LRRTM4: variants seen among roughly 807,000 people sequenced by gnomAD.
LRRTM4 encodes leucine-rich repeat transmembrane neuronal protein 4.
In LRRTM4, 25 loss-of-function variants were observed where a neutral mutation model predicts 47.6. The ratio of observed to expected loss-of-function variants is 0.53; its 90% CI spans 0.38 to 0.73. The LOEUF is 0.73. LRRTM4 is among the 30% of genes least tolerant of loss of function. LRRTM4 has a pLI of 0.00. For synonymous variants in LRRTM4, 311 were observed against 269.5 expected (o/e 1.15, Z -1.51); for missense variants, 638 against 713.4 (o/e 0.89, Z 1.20).
intron 3 of LRRTM4, among the ~76,000 whole-genome samples, chr2:76,773,806 ATT>A (rs541171793): frequency 1.4e-5 from 2 of 147,450 alleles, no homozygotes; most frequent in Admixed American, 1.4e-4. Context: ...AGTTTTTGGC[ATT>A]TTTTTTTTTT....
At chr2:77,128,351 G>A (rs759849177) in intron 3 of LRRTM4, among the ~76,000 whole-genome samples, 38 of 152,072 alleles carry the variant, frequency 2.5e-4, no homozygotes, top group Middle Eastern at 3.4e-3. Flanking sequence ...GGATTTAGAA[G>A]CATAAGATAA....
At chr2:77,161,963 C>T (rs1672741721) in intron 3 of LRRTM4, among the ~76,000 whole-genome samples, 1 of 152,164 alleles carries the variant, frequency 6.6e-6, no homozygotes. Context: ...GCGTGAGCAA[C>T]ACAGAAGACG....
intron 3 of LRRTM4, among the ~76,000 whole-genome samples, chr2:76,823,642 G>C (rs915601364): frequency 1.3e-5 from 2 of 149,522 alleles, no homozygotes; most frequent in African/African-American, 5.0e-5. Context: ...ATAAATATTT[G>C]TAAGTGTTCT....
chr2:76,998,661 C>T (rs562891308), intron 3 of LRRTM4, among the ~76,000 whole-genome samples: 19 of 150,786 alleles, frequency 1.3e-4, no homozygotes, highest in Non-Finnish European at 2.2e-4. Flanking sequence ...TACGTGTATC[C>T]CGTTGGAGAG....
chr2:77,088,425 T>C (rs1680800002), intron 3 of LRRTM4, among the ~76,000 whole-genome samples: 1 of 152,160 alleles, frequency 6.6e-6, no homozygotes, highest in African/African-American at 2.4e-5. Context: ...AAAGTCCTTT[T>C]CCTGGCTCAT....
chr2:77,441,444 TAAG>T (rs1675838619), intron 3 of LRRTM4, among the ~76,000 whole-genome samples: 1 of 152,210 alleles, frequency 6.6e-6, no homozygotes, highest in Non-Finnish European at 1.5e-5. Flanking sequence ...AATCACCTAA[TAAG>T]TTTATACTTC....
intron 3 of LRRTM4, among the ~76,000 whole-genome samples, chr2:76,982,959 T>C (rs1422674934): frequency 2.0e-5 from 3 of 152,182 alleles, no homozygotes; most frequent in Admixed American, 6.6e-5. Context: ...TGTTTTAAGT[T>C]ACAGATAAGT....
intron 3 of LRRTM4, among the ~76,000 whole-genome samples, chr2:77,145,598 C>T (rs1672235958): frequency 6.7e-6 from 1 of 149,988 alleles, no homozygotes; most frequent in Non-Finnish European, 1.5e-5. Flanking sequence ...GAAACCCTGT[C>T]TCTACTAAAA....
intron 3 of LRRTM4, among the ~76,000 whole-genome samples, chr2:76,759,099 A>G (rs1673162376): frequency 6.6e-6 from 1 of 152,128 alleles, no homozygotes; most frequent in African/African-American, 2.4e-5. Flanking sequence ...ATTTTCTGAG[A>G]GTTAGGCCTT....
chr2:77,367,739 A>G (rs1170523881), intron 3 of LRRTM4, among the ~76,000 whole-genome samples: 1 of 151,784 alleles, frequency 6.6e-6, no homozygotes, highest in African/African-American at 2.4e-5. Context: ...AGGTAGGTCA[A>G]TTTGCTTTGT....
chr2:77,129,392 G>A (rs1300618300), intron 3 of LRRTM4, among the ~76,000 whole-genome samples: 2 of 152,164 alleles, frequency 1.3e-5, no homozygotes. Context: ...CCTCCAAAAA[G>A]TTCTACTAAT....
chr2:76,828,485 G>A (rs1000761105), intron 3 of LRRTM4, among the ~76,000 whole-genome samples: 2 of 151,978 alleles, frequency 1.3e-5, no homozygotes, highest in Admixed American at 6.6e-5. Context: ...CACTTGTAAC[G>A]AAAGCAAAAA....
At chr2:76,975,685 T>G (rs975632270) in intron 3 of LRRTM4, among the ~76,000 whole-genome samples, 1 of 151,616 alleles carries the variant, frequency 6.6e-6, no homozygotes, top group African/African-American at 2.4e-5. Context: ...TAGAAAACAT[T>G]GAGGAGACAA....
intron 3 of LRRTM4, among the ~76,000 whole-genome samples, chr2:77,326,541 G>A (rs191602242): frequency 3.9e-5 from 6 of 152,156 alleles, no homozygotes; most frequent in Admixed American, 2.6e-4. Context: ...CTACAGGTAT[G>A]AGCCACCATT....
At chr2:76,984,158 A>G (rs1220228605) in intron 3 of LRRTM4, among the ~76,000 whole-genome samples, 1 of 151,772 alleles carries the variant, frequency 6.6e-6, no homozygotes, top group African/African-American at 2.4e-5. Context: ...ACAAAACAGA[A>G]GAAAATCATC....
intron 3 of LRRTM4, among the ~76,000 whole-genome samples, chr2:76,824,269 G>A (rs987921478): frequency 2.6e-5 from 4 of 151,406 alleles, no homozygotes; most frequent in Non-Finnish European, 5.9e-5. Flanking sequence ...CTATAAATGT[G>A]TGTGTGTTTT....
At chr2:77,076,725 T>C (rs1680348628) in intron 3 of LRRTM4, among the ~76,000 whole-genome samples, 1 of 152,212 alleles carries the variant, frequency 6.6e-6, no homozygotes, top group Admixed American at 6.5e-5. Context: ...GTTTATGTCC[T>C]CCATATTCTT....
intron 3 of LRRTM4, among the ~76,000 whole-genome samples, chr2:77,212,622 T>G (rs1434200444): frequency 6.6e-6 from 1 of 151,402 alleles, no homozygotes; most frequent in Non-Finnish European, 1.5e-5. Context: ...GGTATAGAAA[T>G]TTAGATGAAC....
chr2:77,502,453 ATAAATT>A (rs1221996673), intron 3 of LRRTM4, among the ~76,000 whole-genome samples: 1 of 151,592 alleles, frequency 6.6e-6, no homozygotes, highest in Non-Finnish European at 1.5e-5. Flanking sequence ...CTTTAGTGAT[ATAAATT>A]TATCAATATT....
Sources: gnomAD v4.1 joint callset for allele counts (sites outside exome capture counted in the v4.1 genomes callset) on GRCh38, gnomAD v4.1.1 for gene constraint, MANE v1.5 for transcripts, NCBI Gene and HGNC (gene_info 2026-07-23, HGNC 2026-07-21) for gene names.